STT3B: variants seen among roughly 807,000 people sequenced by gnomAD.
The protein encoded by STT3B is dolichyl-diphosphooligosaccharide--protein glycosyltransferase subunit STT3B.
Under a neutral mutation model 96.8 loss-of-function variants are expected in STT3B, and 29 were observed. That is an observed-to-expected ratio of 0.30 (90% CI 0.22 to 0.41). STT3B has a LOEUF of 0.41. Ranked by LOEUF, STT3B falls within the 10% of genes least tolerant of loss-of-function variation. The pLI is 1.00. For missense variants in STT3B, 640 were observed against 1,022.3 expected (o/e 0.63, Z 5.10); for synonymous variants, 367 against 360.0 (o/e 1.02, Z -0.22).
At position 31,596,746 on chromosome 3, in the gene STT3B, C is replaced by T. The variant is rs376180135; in HGVS notation, c.712-52C>T. ...CCAAACATTTAACTTTTAAAAATTCCGCAAGAACATTTGTAAACATTTTTA... is the reference window on the plus strand; with the variant it reads ...CCAAACATTTAACTTTTAAAAATTCTGCAAGAACATTTGTAAACATTTTTA... On this transcript the variant is annotated intron_variant, in intron 3 of 15. Transcript: ENST00000295770. 9.0e-4 allele frequency: 1,273 copies of T among 1,415,458 alleles called. 8 individuals are homozygous for T. The highest frequency in any genetic ancestry group is 6.4e-3 in the Middle Eastern group (36 of 5,602). The allele number at this position is 1,415,458 out of a possible 1,614,324, so 87.7% of individuals were successfully genotyped here.
chr3:31,570,113 A>T (rs1319852702), intron 1 of STT3B, among the ~76,000 whole-genome samples: 1 of 152,192 alleles, frequency 6.6e-6, no homozygotes, highest in Non-Finnish European at 1.5e-5. Context: ...TATTTAAAAA[A>T]ATATGTAAGT....
intron 5 of STT3B, among the ~76,000 whole-genome samples, chr3:31,610,863 C>T (rs935759246): frequency 9.9e-5 from 15 of 152,136 alleles, no homozygotes; most frequent in Non-Finnish European, 2.1e-4. Context: ...GAATTATCAT[C>T]TCCAGTAATG....
chr3:31,609,214 T>G (rs1013451717), intron 5 of STT3B, among the ~76,000 whole-genome samples: 1 of 152,310 alleles, frequency 6.6e-6, no homozygotes, highest in South Asian at 2.1e-4. Flanking sequence ...GTTTAAATCT[T>G]TTTTTATTTT....
At chr3:31,567,739 T>C (rs1698038330) in intron 1 of STT3B, among the ~76,000 whole-genome samples, 1 of 152,184 alleles carries the variant, frequency 6.6e-6, no homozygotes. Flanking sequence ...TAGATTTATC[T>C]ATTTATGGGT....
chr3:31,535,307 ATTTTTAT>A (rs978871065), intron 1 of STT3B, among the ~76,000 whole-genome samples: 31 of 150,840 alleles, frequency 2.1e-4, no homozygotes, highest in Admixed American at 6.6e-4. Flanking sequence ...AGTGGCTAAT[ATTTTTAT>A]TTTTTATTTT....
chr3:31,579,832 C>G lies in STT3B; in HGVS notation c.447C>G (p.Thr149=), dbSNP rs377390010. 1 of 1,612,556 alleles carries G rather than the reference C, an allele frequency of 6.2e-7. No individual in the cohort carries two copies. Among genetic ancestry groups the G allele is most frequent in the Non-Finnish European group, 8.5e-7 (1 of 1,179,218 alleles). Reference sequence around the variant, plus strand: ...AGGTTTACCCAGGGTTGATGATAACCGCTGGCCTTATTCATTGGATTTTAA... The same window carrying G: ...AGGTTTACCCAGGGTTGATGATAACGGCTGGCCTTATTCATTGGATTTTAA... ...GGTVYPGLMI[T]AGLIHWILNT... Residue 149 remains threonine (T), a synonymous_variant, in exon 3 of 16, where the codon ACC becomes ACG. Transcript: ENST00000295770.
rs72856091 is a variant in STT3B at position 31,632,549 on chromosome 3, C to T, written c.2188-386C>T. ...ATGCAAAAGAGCTGAATGAAGAACA[C>T]GCCAGGCAGAGAGGATAGATAGTGC... On this transcript the variant is annotated intron_variant, in intron 14 of 15. Coordinates refer to ENST00000295770, the MANE Select transcript of STT3B (RefSeq NM_178862.3). Among the ~76,000 whole-genome samples the T allele has an allele frequency of 2.7e-3, 410 of 152,106 alleles. 2 individuals carry two copies. Among genetic ancestry groups the T allele is most frequent in the African/African-American group, 9.3e-3 (386 of 41,480 alleles).
At chr3:31,573,695 A>G (rs1038835457) in intron 1 of STT3B, among the ~76,000 whole-genome samples, 2 of 152,160 alleles carry the variant, frequency 1.3e-5, no homozygotes, top group Admixed American at 6.5e-5. Context: ...GTGACATTCA[A>G]GAAAAACATT....
chr3:31,610,158 A>G (rs1414295651), intron 5 of STT3B, among the ~76,000 whole-genome samples: 3 of 152,258 alleles, frequency 2.0e-5, no homozygotes, highest in East Asian at 3.9e-4. Context: ...TTTATCCTGC[A>G]TATCTACCAG....
At chr3:31,590,304 A>G (rs994346842) in intron 3 of STT3B, among the ~76,000 whole-genome samples, 7 of 151,426 alleles carry the variant, frequency 4.6e-5, no homozygotes, top group Non-Finnish European at 1.0e-4. Flanking sequence ...TTTCAATTGC[A>G]TTGATTTCTT....
At chr3:31,591,481 A>G (rs753929374) in intron 3 of STT3B, among the ~76,000 whole-genome samples, 6 of 152,024 alleles carry the variant, frequency 3.9e-5, no homozygotes, top group Non-Finnish European at 7.4e-5. Context: ...GTTGAAATGC[A>G]TTTTTAAGTA....
At chr3:31,629,063 G>T (rs976269056) in intron 13 of STT3B, among the ~76,000 whole-genome samples, 1 of 152,138 alleles carries the variant, frequency 6.6e-6, no homozygotes, top group African/African-American at 2.4e-5. Flanking sequence ...CCACAGTCAC[G>T]CCACTGCACT....
chr3:31,601,197 G>GGT, intron 5 of STT3B, among the ~76,000 whole-genome samples: 1 of 152,226 alleles, frequency 6.6e-6, no homozygotes, highest in South Asian at 2.1e-4. Context: ...TCCACTCCTA[G>GGT]GTATTTACCC....
intron 15 of STT3B, 21 bp from the exon 16 acceptor site, chr3:31,635,963 A>G (rs1052038052): frequency 6.4e-7 from 1 of 1,568,110 alleles, no homozygotes; most frequent in Middle Eastern, 1.7e-4. Flanking sequence ...CATTAATACT[A>G]TGTGTTTTGT....
Position 31,553,101 on chromosome 3 carries a change from CAAAAAAAA to C in STT3B, c.314+19800_314+19807del, listed in dbSNP as rs558668757. On this transcript the variant is annotated intron_variant, in intron 1 of 15. Transcript: ENST00000295770. ...TGGGCGACAGAGCGAAACTCCGTCT[CAAAAAAAA>C]AAAAAAAAAACCAAATAAAACTTGA... Among the ~76,000 whole-genome samples, 3 of 63,110 alleles carry C rather than the reference CAAAAAAAA, an allele frequency of 4.8e-5. No individual in the cohort carries two copies. The East Asian group carries it at 9.9e-4, about 21-fold the overall frequency. The allele number at this position is 63,110 out of a possible 152,430, so 41.4% of individuals were successfully genotyped here.
At chr3:31,608,442 A>G (rs926450709) in intron 5 of STT3B, among the ~76,000 whole-genome samples, 3 of 152,188 alleles carry the variant, frequency 2.0e-5, no homozygotes, top group African/African-American at 7.2e-5. Flanking sequence ...TTCAAACACA[A>G]AGGGAAGATG....
At chr3:31,607,249 G>A (rs1246067099) in intron 5 of STT3B, among the ~76,000 whole-genome samples, 1 of 152,126 alleles carries the variant, frequency 6.6e-6, no homozygotes, top group African/African-American at 2.4e-5. Flanking sequence ...GGACTATTGG[G>A]GGACTATTGG....
intron 3 of STT3B, among the ~76,000 whole-genome samples, chr3:31,590,881 A>G (rs1163148168): frequency 6.6e-6 from 1 of 152,088 alleles, no homozygotes; most frequent in African/African-American, 2.4e-5. Flanking sequence ...TCAAAACAAG[A>G]TTGCTGGATC....
chr3:31,548,292 G>A (rs1697464297), intron 1 of STT3B, among the ~76,000 whole-genome samples: 1 of 151,916 alleles, frequency 6.6e-6, no homozygotes, highest in African/African-American at 2.4e-5. Context: ...ATTTCACCAG[G>A]TTGAGCATAG....
Sources: allele counts gnomAD v4.1 joint callset (sites outside exome capture counted in the v4.1 genomes callset), GRCh38; gene constraint gnomAD v4.1.1; transcripts MANE v1.5; gene names NCBI Gene and HGNC (gene_info 2026-07-23, HGNC 2026-07-21).